AKAP10: variants seen among roughly 807,000 people sequenced by gnomAD.
AKAP10 encodes A-kinase anchoring protein 10.
Under a neutral mutation model 80.8 loss-of-function variants are expected in AKAP10, and 24 were observed. The observed-to-expected ratio is 0.30, with a 90% CI of 0.22 to 0.42. The LOEUF (loss-of-function observed/expected upper bound fraction) is 0.42, where lower values mean the gene tolerates loss of function less well. Ranked by LOEUF, AKAP10 falls within the 10% of genes least tolerant of loss-of-function variation. AKAP10 has a pLI of 1.00. For synonymous variants in AKAP10, 291 were observed against 277.7 expected, an observed-to-expected ratio of 1.05 and a Z score of -0.48; for missense variants, 661 against 794.9, an observed-to-expected ratio of 0.83 and a Z score of 2.03.
chr17:19,932,409 C>T (rs576012942), intron 9 of AKAP10, among the ~76,000 whole-genome samples: 1 of 147,164 alleles, frequency 6.8e-6, no homozygotes, highest in East Asian at 2.0e-4. Context: ...GCCGAGATTG[C>T]ACCACTGCAC....
chr17:19,940,544 CTTT>C (rs2043041152), intron 7 of AKAP10, among the ~76,000 whole-genome samples: 1 of 152,152 alleles, frequency 6.6e-6, no homozygotes, highest in South Asian at 2.1e-4. Flanking sequence ...AAATTTACTA[CTTT>C]TTTTCTCTTC....
At chr17:19,924,926 G>A (rs553490429) in intron 10 of AKAP10, among the ~76,000 whole-genome samples, 2 of 152,228 alleles carry the variant, frequency 1.3e-5, no homozygotes, top group African/African-American at 4.8e-5. Context: ...CACTTTGGGA[G>A]GCTGAGGCAG....
chr17:19,932,290 A>C (rs2042943902), intron 9 of AKAP10, among the ~76,000 whole-genome samples: 1 of 151,826 alleles, frequency 6.6e-6, no homozygotes, highest in African/African-American at 2.4e-5. Context: ...ATCTCTACTA[A>C]AAACTATAAA....
chr17:19,911,981 A>G (rs917284151), intron 12 of AKAP10, among the ~76,000 whole-genome samples: 6 of 151,984 alleles, frequency 3.9e-5, no homozygotes, highest in Admixed American at 3.9e-4. Flanking sequence ...TCGAAGCACA[A>G]GGGATTGCCA....
intron 12 of AKAP10, among the ~76,000 whole-genome samples, chr17:19,916,508 C>T (rs1234758708): frequency 6.6e-6 from 1 of 152,088 alleles, no homozygotes; most frequent in Non-Finnish European, 1.5e-5. Context: ...TCATAATACA[C>T]CTTAATTCAT....
chr17:19,939,617 T>C, intron 8 of AKAP10, 96 bp downstream of exon 8: 1 of 1,432,802 alleles, frequency 7.0e-7, no homozygotes, highest in African/African-American at 1.4e-5. Flanking sequence ...TGTGAGCTCC[T>C]TGACAACAGA....
chr17:19,913,756 T>A (rs1253911336), intron 12 of AKAP10, among the ~76,000 whole-genome samples: 1 of 152,232 alleles, frequency 6.6e-6, no homozygotes, highest in African/African-American at 2.4e-5. Context: ...AGTGTCTATG[T>A]CAGTGTGGCA....
rs535636185 is a variant in AKAP10 at position 19,955,834 on chromosome 17, C to CA, written c.877+2179dup. The stretch of plus-strand genomic sequence containing the variant: ...TGGGTGACAGAGTGAGACTCCATCT[C>CA]AAAAAAAAAACAATTACAGAAACAG... On this transcript the variant is annotated intron_variant, in intron 4 of 14. Coordinates refer to ENST00000225737, the MANE Select transcript of AKAP10 (RefSeq NM_007202.4). Among the ~76,000 whole-genome samples the CA allele has an allele frequency of 5.4e-3, 782 of 144,748 alleles. 5 individuals are homozygous for CA. The highest frequency in any genetic ancestry group is 8.6e-3 in the Non-Finnish European group (569 of 65,784). The allele number at this position is 144,748 out of a possible 152,430, so 95.0% of individuals were successfully genotyped here.
At position 19,962,870 on chromosome 17, in the gene AKAP10, G is replaced by A. The variant is rs1296016212; in HGVS notation, c.289C>T (p.His97Tyr). ...TCACCAAAATGAGCGGCCTCCATGT[G>A]GCTTGGCTGCTTCTTAAGTGTGGCT... ...RTATLKKQPS[H>Y]MEAAHFGDLG... Residue 97 changes from histidine (H) to tyrosine (Y), a missense_variant, in exon 3 of 15, where the codon CAC (histidine) becomes TAC (tyrosine). Physicochemically the swap from His to Tyr is moderately conservative, Grantham distance 83. Coordinates refer to ENST00000225737, the MANE Select transcript of AKAP10 (RefSeq NM_007202.4). The A allele has an allele frequency of 6.2e-7, 1 of 1,613,870 alleles. No homozygotes were observed. Among genetic ancestry groups the A allele is most frequent in the African/African-American group, 1.3e-5 (1 of 74,908 alleles).
At chr17:19,935,197 G>A (rs772406124) in intron 9 of AKAP10, among the ~76,000 whole-genome samples, 2 of 152,054 alleles carry the variant, frequency 1.3e-5, no homozygotes, top group Non-Finnish European at 2.9e-5. Context: ...AATGAATATC[G>A]TAGGCCACTA....
At chr17:19,907,729 A>G (rs2042646479) in intron 14 of AKAP10, among the ~76,000 whole-genome samples, 1 of 150,962 alleles carries the variant, frequency 6.6e-6, no homozygotes, top group African/African-American at 2.4e-5. Context: ...TTAATATTTA[A>G]AATAGCCACT....
chr17:19,957,407 T>C (rs865845439), intron 4 of AKAP10, among the ~76,000 whole-genome samples: 9 of 151,944 alleles, frequency 5.9e-5, no homozygotes, highest in Non-Finnish European at 1.0e-4. Context: ...CCGGGTGTGG[T>C]GGCAGGCGCC....
Position 19,977,805 on chromosome 17 carries a change from T to C in AKAP10, c.-126A>G. On this transcript the variant is annotated 5_prime_UTR_variant, in exon 1 of 15. Coordinates refer to ENST00000225737, the MANE Select transcript of AKAP10 (RefSeq NM_007202.4). ...CCAGGCAGCTCCAGCCGCCATATTA[T>C]CAACAAGCCGCCCGCCCGGAGTTCC... 1 of 509,606 alleles carries C rather than the reference T, an allele frequency of 2.0e-6. No individual in the cohort carries two copies. Among genetic ancestry groups the C allele is most frequent in the Non-Finnish European group, 3.1e-6 (1 of 326,824 alleles). 31.6% of individuals were successfully genotyped at this position (509,606 alleles called of 1,614,324 possible). A position where few individuals can be genotyped will look rare whatever the true frequency, so the allele number is the denominator to read the frequency against.
chr17:19,956,533 A>T (rs2043277513), intron 4 of AKAP10, among the ~76,000 whole-genome samples: 1 of 152,180 alleles, frequency 6.6e-6, no homozygotes, highest in Non-Finnish European at 1.5e-5. Context: ...ACAAAAAATG[A>T]TCCATAGAAA....
intron 8 of AKAP10, among the ~76,000 whole-genome samples, chr17:19,937,975 C>CTTTT (rs547191721): frequency 6.2e-5 from 8 of 129,196 alleles, no homozygotes; most frequent in African/African-American, 8.7e-5. Context: ...GACTGGAAAC[C>CTTTT]TTTTTTTTTT....
intron 12 of AKAP10, among the ~76,000 whole-genome samples, chr17:19,912,354 T>C (rs562780986): frequency 8.5e-5 from 13 of 152,206 alleles, no homozygotes; most frequent in East Asian, 1.9e-4. Context: ...CTGGTCAACA[T>C]AGTGAAACCC....
chr17:19,975,856 C>T (rs750034447), intron 1 of AKAP10, among the ~76,000 whole-genome samples: 1 of 151,944 alleles, frequency 6.6e-6, no homozygotes, highest in Non-Finnish European at 1.5e-5. Flanking sequence ...GAATGTTTTC[C>T]CCCCTTAAAA....
intron 3 of AKAP10, 93 bp from the exon 4 acceptor site, chr17:19,958,664 G>T: frequency 9.4e-7 from 1 of 1,063,522 alleles, no homozygotes; most frequent in Non-Finnish European, 1.3e-6. Flanking sequence ...ACTGGTACCA[G>T]AGACCTTGAA....
Position 19,958,270 on chromosome 17 carries a change from C to T in AKAP10, c.621G>A (p.Leu207=), listed in dbSNP as rs1355976349. ...ACAACTGTGCTGAGCCAGAATCCTC[C>T]AATCTCTTATCAAGAGAATCAGTTA... is the stretch of plus-strand genomic sequence containing the variant. ...SFLTDSLDKR[L]EDSGSAQLFM... Residue 207 remains leucine (L), a synonymous_variant, in exon 4 of 15, where the codon TTG becomes TTA. Transcript: ENST00000225737. 6.2e-7 allele frequency: 1 copy of T among 1,614,158 alleles called. No individual in the cohort carries two copies. The highest frequency in any genetic ancestry group is 8.5e-7 in the Non-Finnish European group (1 of 1,180,028).
Sources: allele counts gnomAD v4.1 joint callset (sites outside exome capture counted in the v4.1 genomes callset), GRCh38; gene constraint gnomAD v4.1.1; transcripts MANE v1.5; gene names NCBI Gene and HGNC (gene_info 2026-07-23, HGNC 2026-07-21).